BMPR1B: variants seen among roughly 807,000 people sequenced by gnomAD.
BMPR1B encodes bone morphogenetic protein receptor type 1B.
Under a neutral mutation model 59.1 loss-of-function variants are expected in BMPR1B, and 12 were observed. That is an observed-to-expected ratio of 0.20 (90% confidence interval 0.13 to 0.33). The LOEUF is 0.33. Ranked by LOEUF, BMPR1B falls within the 10% of genes least tolerant of loss-of-function variation. BMPR1B has a pLI of 1.00. For synonymous variants in BMPR1B, 237 were observed against 207.3 expected (o/e 1.14, Z -1.23); for missense variants, 550 against 610.9 (o/e 0.90, Z 1.05).
At chr4:94,918,347 G>A (rs1728565226) in intron 2 of BMPR1B, among the ~76,000 whole-genome samples, 2 of 152,004 alleles carry the variant, frequency 1.3e-5, no homozygotes, top group Non-Finnish European at 1.5e-5. Context: ...AATGGCAAAT[G>A]TAGCAATAGA....
chr4:95,110,016 C>T (rs990146028), intron 4 of BMPR1B, among the ~76,000 whole-genome samples: 17 of 151,788 alleles, frequency 1.1e-4, no homozygotes, highest in African/African-American at 4.1e-4. Flanking sequence ...GAATAACTCT[C>T]CTCTTGTACC....
intron 1 of BMPR1B, among the ~76,000 whole-genome samples, chr4:94,788,623 C>T (rs1722844838): frequency 1.3e-5 from 2 of 152,166 alleles, no homozygotes; most frequent in Non-Finnish European, 2.9e-5. Flanking sequence ...AGGCACAAAT[C>T]ATACCTTGGT....
chr4:94,937,184 T>C (rs2149040076), intron 2 of BMPR1B, among the ~76,000 whole-genome samples: 1 of 152,330 alleles, frequency 6.6e-6, no homozygotes. Context: ...CACTTGCTGT[T>C]CTCTGTTAGT....
chr4:95,062,099 A>C (rs1401008278), intron 3 of BMPR1B, among the ~76,000 whole-genome samples: 1 of 152,108 alleles, frequency 6.6e-6, no homozygotes, highest in Non-Finnish European at 1.5e-5. Flanking sequence ...TGGAACTGTG[A>C]GTCAATTCAA....
At chr4:94,845,351 T>C (rs1725278142) in intron 1 of BMPR1B, among the ~76,000 whole-genome samples, 1 of 151,844 alleles carries the variant, frequency 6.6e-6, no homozygotes, top group African/African-American at 2.4e-5. Flanking sequence ...TTCTTTTTTT[T>C]TTTTTTTTTA....
At chr4:94,979,203 G>GC (rs1312131071) in intron 2 of BMPR1B, among the ~76,000 whole-genome samples, 2 of 152,044 alleles carry the variant, frequency 1.3e-5, no homozygotes, top group African/African-American at 4.8e-5. Flanking sequence ...TTGGGAGACA[G>GC]CCAAACCATA....
intron 2 of BMPR1B, among the ~76,000 whole-genome samples, chr4:94,950,471 G>A (rs540586076): frequency 2.0e-5 from 3 of 152,264 alleles, no homozygotes; most frequent in Non-Finnish European, 4.4e-5. Context: ...TTTGTTTAAG[G>A]TGTAAGGAAG....
At chr4:94,888,540 T>C (rs539467568) in intron 2 of BMPR1B, among the ~76,000 whole-genome samples, 3 of 152,222 alleles carry the variant, frequency 2.0e-5, no homozygotes, top group African/African-American at 7.2e-5. Context: ...AAACACCTTC[T>C]AAACATTATT....
intron 2 of BMPR1B, among the ~76,000 whole-genome samples, chr4:94,959,798 A>G (rs964117207): frequency 1.3e-5 from 2 of 152,152 alleles, no homozygotes; most frequent in Non-Finnish European, 2.9e-5. Context: ...AATAAGATCT[A>G]GGGTAGAGAG....
chr4:94,784,581 C>T (rs1044668548), intron 1 of BMPR1B, among the ~76,000 whole-genome samples: 20 of 152,126 alleles, frequency 1.3e-4, no homozygotes, highest in Admixed American at 4.6e-4. Flanking sequence ...TAGTCTTATA[C>T]TCCTGGCCTC....
intron 1 of BMPR1B, among the ~76,000 whole-genome samples, chr4:94,782,753 G>A (rs572087507): frequency 3.9e-5 from 6 of 152,046 alleles, no homozygotes; most frequent in African/African-American, 1.4e-4. Context: ...ATTTATAGTG[G>A]CTACTTTGAA....
At chr4:94,835,153 G>A (rs2148927783) in intron 1 of BMPR1B, among the ~76,000 whole-genome samples, 1 of 152,038 alleles carries the variant, frequency 6.6e-6, no homozygotes, top group South Asian at 2.1e-4. Context: ...AAAGAATAGT[G>A]TGGGTTATCT....
At chr4:94,799,362 G>A (rs1578657517) in intron 1 of BMPR1B, among the ~76,000 whole-genome samples, 1 of 150,852 alleles carries the variant, frequency 6.6e-6, no homozygotes, top group Non-Finnish European at 1.5e-5. Context: ...GCAGTGCAGT[G>A]GCGCAATCTC....
intron 2 of BMPR1B, among the ~76,000 whole-genome samples, chr4:94,984,082 G>A (rs1271873484): frequency 6.6e-6 from 1 of 152,172 alleles, no homozygotes; most frequent in Non-Finnish European, 1.5e-5. Context: ...GATATACTAA[G>A]CCAATTGGAG....
At chr4:95,147,850 C>G (rs1300162783) in intron 10 of BMPR1B, among the ~76,000 whole-genome samples, 1 of 152,104 alleles carries the variant, frequency 6.6e-6, no homozygotes, top group African/African-American at 2.4e-5. Context: ...TCATTCAGCA[C>G]CCTTAGAACA....
At chr4:95,025,339 G>A (rs1441379667) in intron 3 of BMPR1B, among the ~76,000 whole-genome samples, 6 of 152,106 alleles carry the variant, frequency 3.9e-5, no homozygotes, top group African/African-American at 1.4e-4. Flanking sequence ...CAACTTTGTG[G>A]TCAGGTCATC....
Position 95,116,435 on chromosome 4 carries a change from A to G in BMPR1B, c.349+648A>G, listed in dbSNP as rs1470308270. ...TTTCAGCGCGCGCACACACACACACACACACACACACACACACACACACAC... is the reference window on the plus strand; with the variant it reads ...TTTCAGCGCGCGCACACACACACACGCACACACACACACACACACACACAC... On this transcript the variant is annotated intron_variant, in intron 6 of 12. Coordinates refer to ENST00000515059, the MANE Select transcript of BMPR1B (RefSeq NM_001203.3). Among the ~76,000 whole-genome samples the G allele has an allele frequency of 1.1e-3, 169 of 150,466 alleles. 1 individual carries two copies. Among genetic ancestry groups the G allele is most frequent in the African/African-American group, 2.7e-3 (109 of 40,950 alleles).
At chr4:94,913,887 T>G (rs774682762) in intron 2 of BMPR1B, among the ~76,000 whole-genome samples, 1 of 152,180 alleles carries the variant, frequency 6.6e-6, no homozygotes, top group Non-Finnish European at 1.5e-5. Context: ...GCTAAGGAAC[T>G]GAATTATTAT....
intron 3 of BMPR1B, among the ~76,000 whole-genome samples, chr4:95,072,808 A>G (rs563721981): frequency 6.6e-6 from 1 of 152,314 alleles, no homozygotes; most frequent in East Asian, 1.9e-4. Flanking sequence ...AAAACAAATT[A>G]TTTCATTAAT....
Sources: allele counts gnomAD v4.1 joint callset (sites outside exome capture counted in the v4.1 genomes callset), GRCh38; gene constraint gnomAD v4.1.1; transcripts MANE v1.5; gene names NCBI Gene and HGNC (gene_info 2026-07-23, HGNC 2026-07-21).